The following ZFHX3 variants were observed in gnomAD, a reference collection of about 807,000 sequenced individuals.
The protein encoded by ZFHX3 is zinc finger homeobox 3.
Under a neutral mutation model 279.1 loss-of-function variants are expected in ZFHX3, and 42 were observed. The observed-to-expected ratio is 0.15, with a 90% CI of 0.12 to 0.19. The LOEUF is 0.19. Ranked by LOEUF, ZFHX3 falls within the 10% of genes least tolerant of loss-of-function variation. The pLI, the probability that ZFHX3 is intolerant of heterozygous loss-of-function variation, is 1.00. For synonymous variants in ZFHX3, 2,293 were observed against 1,957.8 expected (o/e 1.17, Z -4.52); for missense variants, 4,981 against 4,754.0 (o/e 1.05, Z -1.40).
chr16:73,635,427 CAG>C (rs1383789750), intron 2 of ZFHX3, among the ~76,000 whole-genome samples: 1 of 152,188 alleles, frequency 6.6e-6, no homozygotes, highest in Non-Finnish European at 1.5e-5. Context: ...CCTTTTGAAA[CAG>C]ACAAACACAC....
chr16:73,084,294 A>C (rs1459629658), intron 8 of ZFHX3, among the ~76,000 whole-genome samples: 1 of 152,188 alleles, frequency 6.6e-6, no homozygotes, highest in Non-Finnish European at 1.5e-5. Flanking sequence ...GAAAGGAAGA[A>C]GTCAAATTAT....
At chr16:73,320,908 G>C (rs1415481256) in intron 3 of ZFHX3, among the ~76,000 whole-genome samples, 1 of 152,190 alleles carries the variant, frequency 6.6e-6, no homozygotes, top group African/African-American at 2.4e-5. Flanking sequence ...GCTTGGGACT[G>C]TGATAGTTTC....
At chr16:73,777,754 G>C (rs1457121539) in intron 1 of ZFHX3, among the ~76,000 whole-genome samples, 2 of 152,058 alleles carry the variant, frequency 1.3e-5, no homozygotes, top group African/African-American at 4.8e-5. Context: ...GCTATGTCTG[G>C]GTGACATGTT....
intron 3 of ZFHX3, among the ~76,000 whole-genome samples, chr16:73,425,715 G>A (rs1311001648): frequency 6.6e-6 from 1 of 152,096 alleles, no homozygotes; most frequent in Admixed American, 6.5e-5. Flanking sequence ...TAATCATCTG[G>A]CTGTGGGCAG....
At chr16:72,875,670 T>C (rs1179450928) in intron 4 of ZFHX3, among the ~76,000 whole-genome samples, 1 of 152,246 alleles carries the variant, frequency 6.6e-6, no homozygotes, top group Non-Finnish European at 1.5e-5. Flanking sequence ...AAGACTGGTA[T>C]AGGGTTAACT....
At chr16:72,944,796 C>A (rs1960583035) in intron 3 of ZFHX3, among the ~76,000 whole-genome samples, 2 of 151,806 alleles carry the variant, frequency 1.3e-5, no homozygotes, top group South Asian at 4.2e-4. Flanking sequence ...CAATACTATT[C>A]TAAAAGGGTC....
intron 3 of ZFHX3, among the ~76,000 whole-genome samples, chr16:72,896,532 C>T (rs910748235): frequency 2.0e-5 from 3 of 152,196 alleles, no homozygotes; most frequent in African/African-American, 4.8e-5. Flanking sequence ...CTCCGCTGTG[C>T]GACTTTGTGG....
Position 72,794,016 on chromosome 16 carries a change from C to T in ZFHX3, c.8666G>A (p.Arg2889Gln), listed in dbSNP as rs753622432. The T allele has an allele frequency of 9.3e-6, 15 of 1,614,086 alleles. No individual in the cohort carries two copies. The highest frequency in any genetic ancestry group is 4.4e-5 in the South Asian group (4 of 91,080). Residue 2889 changes from arginine (R) to glutamine (Q), a missense_variant, in exon 9 of 10, where the codon CGG (arginine) becomes CAG (glutamine). By Grantham distance (43) the Arg-to-Gln change is conservative. Coordinates refer to ENST00000268489, the MANE Select transcript of ZFHX3 (RefSeq NM_006885.4). The surrounding 1 kb of genome is among the most constrained non-coding windows in gnomAD (Gnocchi z 4.2). ...CGGGCTGACCAGACCAGATGACAACCGATCTTCATACTCAGACATTGCCAT... is the reference window on the plus strand; with the variant it reads ...CGGGCTGACCAGACCAGATGACAACTGATCTTCATACTCAGACATTGCCAT... ...AMMAMSEYED[R>Q]LSSGLVSPAP...
intron 1 of ZFHX3, among the ~76,000 whole-genome samples, chr16:73,874,293 A>T (rs2029887525): frequency 6.6e-6 from 1 of 152,190 alleles, no homozygotes; most frequent in Non-Finnish European, 1.5e-5. Context: ...AAATTATGAC[A>T]ACTGTAAGAA....
chr16:73,039,917 T>C lies in ZFHX3; in HGVS notation c.-50+7835A>G, dbSNP rs904224488. Reference sequence around the variant, plus strand: ...GCTTCTCTCCAGAGCTCGGAACTGGTCATAAGTTTGAGCGGTATAAGCAAT... The same window carrying C: ...GCTTCTCTCCAGAGCTCGGAACTGGCCATAAGTTTGAGCGGTATAAGCAAT... On this transcript the variant is annotated intron_variant, in intron 1 of 9. Coordinates refer to ENST00000268489, the MANE Select transcript of ZFHX3 (RefSeq NM_006885.4). 6.6e-5 allele frequency among the ~76,000 whole-genome samples: 10 copies of C among 151,940 alleles called. No individual in the cohort carries two copies. In the South Asian group the frequency reaches 1.9e-3, roughly 28 times the overall value.
chr16:73,761,158 G>C (rs904887663), intron 1 of ZFHX3, among the ~76,000 whole-genome samples: 2 of 151,902 alleles, frequency 1.3e-5, no homozygotes, highest in Non-Finnish European at 2.9e-5. Flanking sequence ...AAATCAATGT[G>C]CAAAAATCAT....
chr16:73,421,207 T>C (rs1449926411), intron 3 of ZFHX3: 5 of 152,236 alleles, frequency 3.3e-5, no homozygotes, highest in African/African-American at 1.2e-4. Flanking sequence ...TCTCTTGGCT[T>C]GAAAATTAAA....
chr16:72,791,143 G>A (rs763856211), intron 9 of ZFHX3: 4 of 152,146 alleles, frequency 2.6e-5, no homozygotes, highest in Non-Finnish European at 5.9e-5. Flanking sequence ...CACATCAGAC[G>A]TGTGACCCTG....
At chr16:73,238,514 A>G (rs979043856) in intron 5 of ZFHX3, among the ~76,000 whole-genome samples, 1 of 151,776 alleles carries the variant, frequency 6.6e-6, no homozygotes, top group African/African-American at 2.4e-5. Flanking sequence ...TTGTATTCCT[A>G]TCGCTCTTCT....
intron 3 of ZFHX3, among the ~76,000 whole-genome samples, chr16:73,434,711 G>A (rs2017967707): frequency 6.6e-6 from 1 of 152,076 alleles, no homozygotes; most frequent in Admixed American, 6.5e-5. Context: ...TGGAACAGTG[G>A]GCTGGGAGTG....
chr16:73,204,523 G>A (rs370560976), intron 5 of ZFHX3, among the ~76,000 whole-genome samples: 2 of 152,220 alleles, frequency 1.3e-5, no homozygotes, highest in Non-Finnish European at 2.9e-5. Flanking sequence ...GACAGGAGGC[G>A]GAGCCCAGTG....
chr16:73,658,401 G>A (rs2052744530), intron 2 of ZFHX3, among the ~76,000 whole-genome samples: 1 of 152,090 alleles, frequency 6.6e-6, no homozygotes, highest in South Asian at 2.1e-4. Flanking sequence ...TGCTTCCTGG[G>A]TTCAAGCAAT....
At chr16:72,980,716 T>C (rs1055765056) in intron 1 of ZFHX3, among the ~76,000 whole-genome samples, 1 of 152,118 alleles carries the variant, frequency 6.6e-6, no homozygotes, top group Non-Finnish European at 1.5e-5. Flanking sequence ...ATCGCACCAC[T>C]GTACTCTAGC....
intron 1 of ZFHX3, among the ~76,000 whole-genome samples, chr16:73,784,796 AATATAT>A (rs1555501447): frequency 2.0e-4 from 26 of 131,112 alleles, no homozygotes; most frequent in Middle Eastern, 3.8e-3. Context: ...TAAAAAAAAA[AATATAT>A]ATATATATAT....
Sources: allele counts gnomAD v4.1 joint callset (sites outside exome capture counted in the v4.1 genomes callset), GRCh38; gene constraint gnomAD v4.1.1; non-coding constraint Gnocchi (gnomAD v3.1); transcripts MANE v1.5; gene names NCBI Gene and HGNC (gene_info 2026-07-23, HGNC 2026-07-21).